Variants in LRP1B observed in about 807,000 individuals in gnomAD.
LRP1B encodes the protein low-density lipoprotein receptor-related protein 1B.
LRP1B carries 217 observed loss-of-function variants against 556.6 expected under a neutral mutation model. The observed-to-expected ratio is 0.39, with a 90% CI of 0.35 to 0.44. LRP1B has a LOEUF of 0.44. Ranked by LOEUF, LRP1B falls within the 20% of genes least tolerant of loss-of-function variation. The probability of loss-of-function intolerance (pLI) is 1.00; values close to 1 mark genes in which losing one functional copy is unlikely to be tolerated. For synonymous variants in LRP1B, 2,047 were observed against 1,865.8 expected (o/e 1.10, Z -2.50); for missense variants, 5,053 against 5,620.8 (o/e 0.90, Z 3.23).
intron 35 of LRP1B, among the ~76,000 whole-genome samples, chr2:140,766,859 T>TAAATATATATATA (rs35881662): frequency 8.0e-5 from 4 of 50,214 alleles, no homozygotes; most frequent in Non-Finnish European, 2.2e-4. Flanking sequence ...TATATATATA[T>TAAATATATATATA]ATATATAATA....
At chr2:141,261,386 A>T (rs2105351784) in intron 3 of LRP1B, among the ~76,000 whole-genome samples, 1 of 152,248 alleles carries the variant, frequency 6.6e-6, no homozygotes, top group South Asian at 2.1e-4. Context: ...AATTCAGCAA[A>T]ATTCATTCTT....
chr2:140,576,068 C>T (rs1681513994), intron 43 of LRP1B, among the ~76,000 whole-genome samples: 1 of 152,134 alleles, frequency 6.6e-6, no homozygotes, highest in African/African-American at 2.4e-5. Flanking sequence ...GCTAAACCAA[C>T]AGGACATGTA....
Position 141,055,104 on chromosome 2 carries a change from T to C in LRP1B, c.1552+12A>G. 6.2e-7 allele frequency: 1 copy of C among 1,611,226 alleles called. No homozygotes were observed. Among genetic ancestry groups the C allele is most frequent in the South Asian group, 1.1e-5 (1 of 90,850 alleles). ...GGTAGCTGCTGGCAAATGTTTTATT[T>C]TAACAACATACTTTTGCATGACCTG... On this transcript the variant is annotated intron_variant, in intron 10 of 90. Transcript: ENST00000389484.
chr2:140,490,759 T>C lies in LRP1B; in HGVS notation c.9120+1849A>G, dbSNP rs946989949. Among the ~76,000 whole-genome samples the C allele has an allele frequency of 2.0e-5, 3 of 152,146 alleles. No homozygotes were observed. The East Asian group carries it at 5.8e-4, about 29-fold the overall frequency. On this transcript the variant is annotated intron_variant, in intron 57 of 90. Coordinates refer to ENST00000389484, the MANE Select transcript of LRP1B (RefSeq NM_018557.3). ...ATTCCCAGCAGCCCATAGGCAAAAC[T>C]GGGCAGAAGGCTTGCCATGGGTTCT...
chr2:140,342,821 TTAAAA>T (rs970694338), intron 77 of LRP1B, among the ~76,000 whole-genome samples: 6 of 151,582 alleles, frequency 4.0e-5, no homozygotes, highest in Non-Finnish European at 7.4e-5. Flanking sequence ...ACATAAATAT[TTAAAA>T]GTAAAAGTAT....
intron 7 of LRP1B, among the ~76,000 whole-genome samples, chr2:141,153,299 A>T (rs1168165924): frequency 8.1e-6 from 1 of 124,186 alleles, no homozygotes; most frequent in African/African-American, 3.0e-5. Context: ...ATTTATATAT[A>T]ATATATTATA....
intron 3 of LRP1B, among the ~76,000 whole-genome samples, chr2:141,424,700 T>C: frequency 6.6e-6 from 1 of 152,184 alleles, no homozygotes; most frequent in East Asian, 1.9e-4. Context: ...AACACCAAGT[T>C]TGACTGATTT....
intron 3 of LRP1B, among the ~76,000 whole-genome samples, chr2:141,291,619 G>A (rs935197073): frequency 3.3e-5 from 5 of 152,050 alleles, no homozygotes; most frequent in Admixed American, 2.6e-4. Flanking sequence ...CACTTTGGGA[G>A]GCCGAGGCAG....
intron 3 of LRP1B, among the ~76,000 whole-genome samples, chr2:141,367,067 A>G (rs1689066795): frequency 2.0e-5 from 3 of 152,210 alleles, no homozygotes; most frequent in Admixed American, 2.0e-4. Context: ...GCTACTAAAT[A>G]TAGTGGGCAA....
At chr2:141,327,896 G>A (rs112908485) in intron 3 of LRP1B, among the ~76,000 whole-genome samples, 1 of 151,702 alleles carries the variant, frequency 6.6e-6, no homozygotes, top group African/African-American at 2.4e-5. Flanking sequence ...GAGAGAGAGA[G>A]AGAGACAGAC....
chr2:141,036,807 C>A (rs1173901051), intron 11 of LRP1B, among the ~76,000 whole-genome samples: 3 of 151,836 alleles, frequency 2.0e-5, no homozygotes, highest in Non-Finnish European at 4.4e-5. Context: ...GCTGTCTAAC[C>A]CTGGAAAAGG....
At chr2:140,915,464 C>A (rs916024133) in intron 21 of LRP1B, among the ~76,000 whole-genome samples, 5 of 145,512 alleles carry the variant, frequency 3.4e-5, no homozygotes, top group Non-Finnish European at 7.5e-5. Flanking sequence ...GCCTGGCCAA[C>A]ATGGTGAAAA....
intron 51 of LRP1B, among the ~76,000 whole-genome samples, chr2:140,513,976 A>C (rs1158090187): frequency 1.3e-5 from 2 of 151,990 alleles, no homozygotes; most frequent in Non-Finnish European, 2.9e-5. Flanking sequence ...AATTTTAAAG[A>C]CTAGCTTGTT....
chr2:141,956,221 A>G (rs1183373925), intron 1 of LRP1B, among the ~76,000 whole-genome samples: 3 of 152,140 alleles, frequency 2.0e-5, no homozygotes, highest in Non-Finnish European at 2.9e-5. Flanking sequence ...CACCAGGAGT[A>G]TGAATGAATT....
chr2:141,242,682 C>T (rs1683922923), intron 5 of LRP1B, among the ~76,000 whole-genome samples: 1 of 152,104 alleles, frequency 6.6e-6, no homozygotes, highest in South Asian at 2.1e-4. Context: ...CCATTCGATG[C>T]ACTGACAATA....
At chr2:141,831,657 T>C (rs570858969) in intron 1 of LRP1B, among the ~76,000 whole-genome samples, 2 of 151,786 alleles carry the variant, frequency 1.3e-5, no homozygotes, top group African/African-American at 4.8e-5. Flanking sequence ...TTTTTATGGC[T>C]CCAGTAAATT....
intron 1 of LRP1B, among the ~76,000 whole-genome samples, chr2:141,847,167 A>G (rs367713122): frequency 7.3e-5 from 11 of 151,584 alleles, no homozygotes; most frequent in East Asian, 3.9e-4. Flanking sequence ...ACAAAATAAA[A>G]TCACACCCGA....
chr2:141,024,441 G>A (rs1482902253), intron 11 of LRP1B, among the ~76,000 whole-genome samples: 1 of 151,954 alleles, frequency 6.6e-6, no homozygotes, highest in Non-Finnish European at 1.5e-5. Context: ...AAACATAGTG[G>A]TTTCCTTCCA....
At chr2:141,316,035 G>A (rs547361305) in intron 3 of LRP1B, among the ~76,000 whole-genome samples, 5 of 151,324 alleles carry the variant, frequency 3.3e-5, no homozygotes, top group East Asian at 1.9e-4. Context: ...AATTCTAAAC[G>A]TATTCTACCA....
Sources: gnomAD v4.1 joint callset for allele counts (sites outside exome capture counted in the v4.1 genomes callset) on GRCh38, gnomAD v4.1.1 for gene constraint, MANE v1.5 for transcripts, NCBI Gene and HGNC (gene_info 2026-07-23, HGNC 2026-07-21) for gene names.